NPAS2: variants seen among roughly 807,000 people sequenced by gnomAD.
NPAS2 encodes the protein neuronal PAS domain-containing protein 2.
In NPAS2, 23 loss-of-function variants were observed where a neutral mutation model predicts 107.5. The observed-to-expected ratio is 0.21, with a 90% CI of 0.15 to 0.30. The LOEUF is 0.30. Among genes scored for constraint, NPAS2 ranks in the 10% least tolerant of loss-of-function variants. The probability of loss-of-function intolerance (pLI) is 1.00; values close to 1 mark genes in which losing one functional copy is unlikely to be tolerated. For missense variants in NPAS2, 756 were observed against 1,043.3 expected (o/e 0.72, Z 3.79); for synonymous variants, 403 against 417.5 (o/e 0.97, Z 0.42).
chr2:100,840,824 CA>C (rs1677352822), intron 1 of NPAS2, among the ~76,000 whole-genome samples: 1 of 151,816 alleles, frequency 6.6e-6, no homozygotes, highest in African/African-American at 2.4e-5. Context: ...AGTTTGATTC[CA>C]TTTTTGTTTA....
rs77568479 is a variant in NPAS2 at position 100,825,976 on chromosome 2, T to C, written c.-23+5562T>C. On this transcript the variant is annotated intron_variant, in intron 1 of 20. Coordinates refer to ENST00000335681, the MANE Select transcript of NPAS2 (RefSeq NM_002518.4). Reference sequence around the variant, plus strand: ...ACAAAGAAGAGTCTGTTTTTGAACATGTGTGAGATCATGAAACCATTACCA... The same window carrying C: ...ACAAAGAAGAGTCTGTTTTTGAACACGTGTGAGATCATGAAACCATTACCA... Among the ~76,000 whole-genome samples the C allele has an allele frequency of 0.013, 1,909 of 152,274 alleles. 144 individuals are homozygous for C. In the East Asian group the frequency reaches 0.21, roughly 17 times the overall value.
chr2:100,871,975 G>A (rs1363030116), intron 1 of NPAS2, among the ~76,000 whole-genome samples: 1 of 152,078 alleles, frequency 6.6e-6, no homozygotes, highest in African/African-American at 2.4e-5. Flanking sequence ...TACACATTCA[G>A]TCCAAATACA....
rs116632952 is a variant in NPAS2 at position 100,855,810 on chromosome 2, T to C, written c.-23+35396T>C. Among the ~76,000 whole-genome samples, 459 of 152,346 alleles carry C rather than the reference T, an allele frequency of 3.0e-3. 7 individuals are homozygous for C. The highest frequency in any genetic ancestry group is 0.01 in the African/African-American group (429 of 41,574). ...ATGGTAGCACCAGCTTCAGCTTTGC[T>C]GCATGTCTGATGAATCACTGGCTCT... is the stretch of plus-strand genomic sequence containing the variant. On this transcript the variant is annotated intron_variant, in intron 1 of 20. Coordinates refer to ENST00000335681, the MANE Select transcript of NPAS2 (RefSeq NM_002518.4).
chr2:100,964,022 G>A, intron 7 of NPAS2, 36 bp from the exon 8 acceptor site: 2 of 1,398,844 alleles, frequency 1.4e-6, no homozygotes, highest in Non-Finnish European at 2.0e-6. Flanking sequence ...ACCAGACAGG[G>A]CTAACCTATG....
intron 17 of NPAS2, chr2:100,989,356 C>T (rs921368578): frequency 6.6e-6 from 1 of 152,212 alleles, no homozygotes; most frequent in Non-Finnish European, 1.5e-5. Flanking sequence ...CAGATAAACA[C>T]ACATATGGAA....
At chr2:100,841,238 C>A (rs1677375238) in intron 1 of NPAS2, among the ~76,000 whole-genome samples, 1 of 152,134 alleles carries the variant, frequency 6.6e-6, no homozygotes, top group African/African-American at 2.4e-5. Context: ...AGTTCAAGAA[C>A]AGCCTGGCCA....
chr2:100,921,975 G>A (rs138352104), intron 2 of NPAS2, among the ~76,000 whole-genome samples: 2 of 152,292 alleles, frequency 1.3e-5, no homozygotes, highest in East Asian at 3.9e-4. Context: ...TCAGGAAAAA[G>A]GAATGGGGTG....
chr2:100,942,686 T>C (rs535984661), intron 5 of NPAS2, among the ~76,000 whole-genome samples: 2 of 152,294 alleles, frequency 1.3e-5, no homozygotes, highest in African/African-American at 4.8e-5. Context: ...CCCTTTTTCG[T>C]CACACGTCCA....
At chr2:100,974,579 G>A (rs910144851) in intron 12 of NPAS2, among the ~76,000 whole-genome samples, 22 of 152,204 alleles carry the variant, frequency 1.4e-4, no homozygotes, top group Non-Finnish European at 4.4e-5. Context: ...AACAAAAGGC[G>A]AGAAAGGGTA....
chr2:100,907,720 G>C (rs1338525069), intron 2 of NPAS2, among the ~76,000 whole-genome samples: 3 of 152,124 alleles, frequency 2.0e-5, no homozygotes, highest in Non-Finnish European at 4.4e-5. Flanking sequence ...GGCTTTCGAT[G>C]CTTTAGGGAA....
rs528684555 is a variant in NPAS2 at position 100,881,188 on chromosome 2, G to A, written c.-22-23545G>A. ...TTTTGTGTCCCTCCCATCCTACCTC[G>A]GCCCCAACAGGGATTTCTGTTTTAA... On this transcript the variant is annotated intron_variant, in intron 1 of 20. Transcript: ENST00000335681. Among the ~76,000 whole-genome samples, 8 of 152,304 alleles carry A rather than the reference G, an allele frequency of 5.3e-5. No homozygotes were observed. In the East Asian group the frequency reaches 1.2e-3, roughly 22 times the overall value.
Position 100,957,927 on chromosome 2 carries a change from C to CA in NPAS2, c.599-6121dup, listed in dbSNP as rs199719527. Among the ~76,000 whole-genome samples the CA allele has an allele frequency of 2.0e-3, 290 of 147,484 alleles. 5 individuals carry two copies. The East Asian group carries it at 0.033, about 17-fold the overall frequency. On this transcript the variant is annotated intron_variant, in intron 7 of 20. Coordinates refer to ENST00000335681, the MANE Select transcript of NPAS2 (RefSeq NM_002518.4). ...TGGGCGACAGAGCGAAACTCAGTCT[C>CA]AAAAAAAAAAGGTCTTTGCTTTACG...
At chr2:100,927,390 A>G (rs1683649226) in intron 3 of NPAS2, among the ~76,000 whole-genome samples, 1 of 152,174 alleles carries the variant, frequency 6.6e-6, no homozygotes, top group Admixed American at 6.5e-5. Flanking sequence ...TAACTTTGTA[A>G]TACTTTATAA....
intron 1 of NPAS2, among the ~76,000 whole-genome samples, chr2:100,831,953 C>T (rs998949558): frequency 9.9e-5 from 15 of 152,036 alleles, no homozygotes; most frequent in African/African-American, 3.4e-4. Flanking sequence ...TCATTTACCC[C>T]CTAGCATGCT....
chr2:100,841,105 A>G (rs1473439179), intron 1 of NPAS2, among the ~76,000 whole-genome samples: 1 of 152,150 alleles, frequency 6.6e-6, no homozygotes, highest in African/African-American at 2.4e-5. Context: ...TGTGCCTGGC[A>G]TATAGTGAGC....
At chr2:100,875,842 G>A (rs1417606232) in intron 1 of NPAS2, among the ~76,000 whole-genome samples, 1 of 152,152 alleles carries the variant, frequency 6.6e-6, no homozygotes, top group African/African-American at 2.4e-5. Context: ...CAAAAGGGGA[G>A]ACGGATGAGG....
intron 1 of NPAS2, among the ~76,000 whole-genome samples, chr2:100,854,937 T>C (rs772781210): frequency 2.0e-5 from 3 of 152,224 alleles, no homozygotes; most frequent in Non-Finnish European, 4.4e-5. Context: ...GTAAAGTGCA[T>C]ACTGGATTTA....
At chr2:100,928,993 T>A (rs933778762) in intron 3 of NPAS2, among the ~76,000 whole-genome samples, 1 of 152,194 alleles carries the variant, frequency 6.6e-6, no homozygotes, top group African/African-American at 2.4e-5. Flanking sequence ...AGCCTCCACC[T>A]CCCAGGTTCA....
At chr2:100,982,136 G>T in intron 15 of NPAS2, 95 bp from the exon 16 acceptor site, 1 of 1,435,846 alleles carries the variant, frequency 7.0e-7, no homozygotes, top group Non-Finnish European at 9.6e-7. Context: ...GCTAAGGGAC[G>T]GAAATGAAGT....
Sources: gnomAD v4.1 joint callset for allele counts (sites outside exome capture counted in the v4.1 genomes callset) on GRCh38, gnomAD v4.1.1 for gene constraint, MANE v1.5 for transcripts, NCBI Gene and HGNC (gene_info 2026-07-23, HGNC 2026-07-21) for gene names.